SCEL: variants seen among roughly 807,000 people sequenced by gnomAD.
The protein encoded by SCEL is sciellin.
A neutral mutation model predicts 117.6 loss-of-function variants in SCEL; 113 were observed. The ratio of observed to expected loss-of-function variants is 0.96; its 90% CI spans 0.83 to 1.12. The LOEUF (loss-of-function observed/expected upper bound fraction) is 1.12, where lower values mean the gene tolerates loss of function less well. Ranked by LOEUF, SCEL falls within the 50% of genes most tolerant of loss-of-function variation. The pLI is 0.00. For missense variants in SCEL, 785 were observed against 810.8 expected (o/e 0.97, Z 0.39); for synonymous variants, 270 against 256.2 (o/e 1.05, Z -0.51).
chr13:77,599,422 C>T, intron 14 of SCEL, 34 bp downstream of exon 14: 2 of 1,553,076 alleles, frequency 1.3e-6, no homozygotes, highest in African/African-American at 1.4e-5. Flanking sequence ...GAAAATCTTA[C>T]CTTGCAGATT....
intron 11 of SCEL, among the ~76,000 whole-genome samples, chr13:77,593,259 AGTGTGTGTGT>A (rs4052543): frequency 2.3e-4 from 26 of 111,106 alleles, no homozygotes; most frequent in East Asian, 3.4e-4. Flanking sequence ...AACAGAGGGG[AGTGTGTGTGT>A]GTGTGTGTGT....
At chr13:77,543,330 G>A (rs1454159988) in intron 1 of SCEL, among the ~76,000 whole-genome samples, 5 of 151,870 alleles carry the variant, frequency 3.3e-5, no homozygotes, top group African/African-American at 1.2e-4. Context: ...TGATCCGCCC[G>A]CCTCGGCCTC....
At chr13:77,596,814 C>A (rs972279390) in intron 12 of SCEL, among the ~76,000 whole-genome samples, 2 of 151,824 alleles carry the variant, frequency 1.3e-5, no homozygotes, top group Admixed American at 1.3e-4. Flanking sequence ...GTGGTGAAAC[C>A]CCCACCCCAC....
At chr13:77,558,960 A>G (rs184740650) in intron 3 of SCEL, among the ~76,000 whole-genome samples, 4 of 152,180 alleles carry the variant, frequency 2.6e-5, no homozygotes, top group Admixed American at 2.0e-4. Flanking sequence ...AAATCCAAAG[A>G]CTTCACTACG....
chr13:77,578,630 TG>T (rs1476592706), intron 9 of SCEL, among the ~76,000 whole-genome samples: 4 of 152,044 alleles, frequency 2.6e-5, no homozygotes, highest in Non-Finnish European at 4.4e-5. Flanking sequence ...ATGTGGGATT[TG>T]GGGGAAGGAA....
chr13:77,536,786 T>G (rs556171838), intron 1 of SCEL, among the ~76,000 whole-genome samples: 190 of 152,324 alleles, frequency 1.2e-3, no homozygotes, highest in African/African-American at 4.3e-3. Flanking sequence ...TGGCTCTATC[T>G]GTAGTACTTG....
At chr13:77,543,125 C>A (rs2083802865) in intron 1 of SCEL, among the ~76,000 whole-genome samples, 1 of 146,812 alleles carries the variant, frequency 6.8e-6, no homozygotes. Context: ...GCTCTGTTGC[C>A]CAGGCTGGAG....
chr13:77,591,940 G>A (rs1451168973), intron 11 of SCEL, among the ~76,000 whole-genome samples: 1 of 152,080 alleles, frequency 6.6e-6, no homozygotes, highest in Non-Finnish European at 1.5e-5. Flanking sequence ...CTGGTCTCCC[G>A]ATTTACACTT....
intron 1 of SCEL, among the ~76,000 whole-genome samples, chr13:77,542,833 T>A (rs2083779355): frequency 6.6e-6 from 1 of 152,212 alleles, no homozygotes; most frequent in African/African-American, 2.4e-5. Context: ...TATTGATCTG[T>A]AATTATAGAG....
chr13:77,616,799 C>T (rs1438170651), intron 24 of SCEL, among the ~76,000 whole-genome samples: 1 of 146,814 alleles, frequency 6.8e-6, no homozygotes, highest in Admixed American at 6.9e-5. Context: ...AAGGAAAAAG[C>T]ATTGTTGTGG....
chr13:77,608,766 G>A (rs116093328), intron 20 of SCEL, among the ~76,000 whole-genome samples: 1,957 of 152,258 alleles, frequency 0.013, 28 homozygotes, highest in African/African-American at 0.037. Context: ...GGAACCAGGT[G>A]AGAATTTTTA....
intron 1 of SCEL, among the ~76,000 whole-genome samples, chr13:77,537,228 A>G (rs2083459159): frequency 6.6e-6 from 1 of 152,246 alleles, no homozygotes; most frequent in Non-Finnish European, 1.5e-5. Context: ...TTGACAGAAT[A>G]TTTCAACTGA....
intron 9 of SCEL, among the ~76,000 whole-genome samples, chr13:77,575,943 A>T (rs1041188326): frequency 1.3e-5 from 2 of 152,216 alleles, no homozygotes; most frequent in African/African-American, 4.8e-5. Context: ...GTTGTTCCTC[A>T]TCACATTCCT....
At chr13:77,589,897 A>G (rs1046014459) in intron 10 of SCEL, among the ~76,000 whole-genome samples, 1 of 152,140 alleles carries the variant, frequency 6.6e-6, no homozygotes, top group Non-Finnish European at 1.5e-5. Flanking sequence ...AACTCTTCCC[A>G]TGTGTTACAT....
intron 8 of SCEL, among the ~76,000 whole-genome samples, chr13:77,569,846 A>G (rs903476162): frequency 6.6e-6 from 1 of 152,190 alleles, no homozygotes; most frequent in Non-Finnish European, 1.5e-5. Context: ...TTCCAAATGC[A>G]GAGTCAAAGA....
chr13:77,631,017 C>G (rs1029890176), intron 28 of SCEL, among the ~76,000 whole-genome samples: 1 of 152,156 alleles, frequency 6.6e-6, no homozygotes, highest in Non-Finnish European at 1.5e-5. Context: ...ATTCTAGGGA[C>G]TATACTTTGA....
At position 77,607,993 on chromosome 13, in the gene SCEL, C is replaced by T. The variant is rs2088345151; in HGVS notation, c.1158-63C>T. On this transcript the variant is annotated intron_variant, in intron 19 of 32. Coordinates refer to ENST00000349847, the MANE Select transcript of SCEL (RefSeq NM_144777.3). ...AGTTTTAATGAAATAGCTTTATCTT[C>T]TTGTTGTCAGTCTACCATTGTTACG... 6 of 1,278,408 alleles carry T rather than the reference C, an allele frequency of 4.7e-6. No homozygotes were observed. In the East Asian group the frequency reaches 1.4e-4, roughly 30 times the overall value. 79.2% of individuals were successfully genotyped at this position (1,278,408 alleles called of 1,614,324 possible). A position where few individuals can be genotyped will look rare whatever the true frequency, so the allele number is the denominator to read the frequency against.
chr13:77,565,691 G>A (rs965651663), intron 5 of SCEL, among the ~76,000 whole-genome samples: 1 of 152,222 alleles, frequency 6.6e-6, no homozygotes, highest in Non-Finnish European at 1.5e-5. Flanking sequence ...TGATGCACTT[G>A]TTTTAATGAA....
intron 4 of SCEL, among the ~76,000 whole-genome samples, chr13:77,563,022 T>A (rs1479439486): frequency 6.6e-6 from 1 of 152,180 alleles, no homozygotes; most frequent in East Asian, 1.9e-4. Flanking sequence ...TAAACAGGCT[T>A]TTTTAAATGT....
Sources: allele counts gnomAD v4.1 joint callset (sites outside exome capture counted in the v4.1 genomes callset), GRCh38; gene constraint gnomAD v4.1.1; transcripts MANE v1.5; gene names NCBI Gene and HGNC (gene_info 2026-07-23, HGNC 2026-07-21).